Variants in SNX32 observed in about 807,000 individuals in gnomAD.
SNX32 encodes sorting nexin-32.
SNX32 carries 58 observed loss-of-function variants against 57.0 expected under a neutral mutation model. The ratio of observed to expected loss-of-function variants is 1.02; its 90% CI spans 0.82 to 1.27. The LOEUF is 1.27. SNX32 is among the 50% of genes most tolerant of loss of function. SNX32 has a pLI of 0.00. For missense variants in SNX32, 589 were observed against 541.2 expected (o/e 1.09, Z -0.88); for synonymous variants, 262 against 220.4 (o/e 1.19, Z -1.67).
At chr11:65,844,691 G>A (rs1041450301) in intron 1 of SNX32, among the ~76,000 whole-genome samples, 2 of 152,220 alleles carry the variant, frequency 1.3e-5, no homozygotes, top group Non-Finnish European at 2.9e-5. Context: ...AGACGGCTGG[G>A]CGTGGTGGCT....
chr11:65,836,387 A>G (rs967182619), intron 1 of SNX32, among the ~76,000 whole-genome samples: 3 of 152,118 alleles, frequency 2.0e-5, no homozygotes, highest in African/African-American at 7.2e-5. Context: ...TACTAAAAAT[A>G]CAAAAAATTG....
intron 1 of SNX32, chr11:65,835,753 C>G (rs1858652947): frequency 6.6e-6 from 1 of 152,336 alleles, no homozygotes; most frequent in East Asian, 1.9e-4. Context: ...AGCCAGACTG[C>G]ATGTGTTTGG....
intron 1 of SNX32, among the ~76,000 whole-genome samples, chr11:65,843,285 A>G (rs1858901166): frequency 6.6e-6 from 1 of 151,140 alleles, no homozygotes; most frequent in Admixed American, 6.6e-5. Context: ...AAAATAGATC[A>G]TAGCCAGGTA....
rs754954054 is a variant in SNX32, at chr11:65,850,038, G to A, written c.252+8G>A. The A allele has an allele frequency of 1.9e-6, 3 of 1,614,188 alleles. No individual in the cohort carries two copies. Among genetic ancestry groups the A allele is most frequent in the Admixed American group, 1.7e-5 (1 of 60,030 alleles). On this transcript the variant is annotated splice_region_variant and intron_variant, in intron 3 of 12. Coordinates refer to ENST00000308342, the MANE Select transcript of SNX32 (RefSeq NM_152760.3). ...GAGTACGCCGGCCTCATCGTGAGGA[G>A]GGGCTGGGCAGGGGCTGGGAGGGAC...
intron 3 of SNX32, 21 bp from the exon 4 acceptor site, chr11:65,850,129 C>G (rs1258107906): frequency 2.5e-6 from 4 of 1,614,232 alleles, no homozygotes; most frequent in Non-Finnish European, 3.4e-6. Context: ...GGCCTCCCAG[C>G]TCCGTCCCTC....
chr11:65,839,440 G>A (rs1179960655), intron 1 of SNX32, among the ~76,000 whole-genome samples: 17 of 146,654 alleles, frequency 1.2e-4, no homozygotes, highest in Admixed American at 9.5e-4. Flanking sequence ...CGTTTTAGCC[G>A]GGATGGTCTC....
chr11:65,839,596 C>T (rs1385275384), intron 1 of SNX32, among the ~76,000 whole-genome samples: 4 of 150,354 alleles, frequency 2.7e-5, no homozygotes, highest in South Asian at 2.1e-4. Context: ...CCACTCGCCT[C>T]GGCCTCCCAA....
chr11:65,850,309 C>A, intron 4 of SNX32, 38 bp downstream of exon 4: 1 of 1,613,974 alleles, frequency 6.2e-7, no homozygotes, highest in African/African-American at 1.3e-5. Context: ...CCCCAGAGTC[C>A]AGATGTCTTC....
rs781277946 is a variant in SNX32 at position 65,850,470 on chromosome 11, C to G, written c.414C>G (p.His138Gln). The change falls in exon 5 of 13, where the codon CAC becomes CAG. Residue 138 changes from histidine to glutamine, a missense_variant. Coordinates refer to ENST00000308342, the MANE Select transcript of SNX32 (RefSeq NM_152760.3). ...TCTTTAAGAAGACAGTTGCGATGCA[C>G]GAAGTCTTTCTGCAGCGCCTGGCGG... ...LAIFKKTVAMHEVFLQRLAAH... is the reference protein window; with the variant it reads ...LAIFKKTVAMQEVFLQRLAAH... The G allele has an allele frequency of 6.2e-7, 1 of 1,614,172 alleles. No individual in the cohort carries two copies. Among genetic ancestry groups the G allele is most frequent in the Non-Finnish European group, 8.5e-7 (1 of 1,180,010 alleles).
intron 1 of SNX32, among the ~76,000 whole-genome samples, chr11:65,842,949 C>CAAAA (rs922615169): frequency 4.6e-4 from 19 of 41,226 alleles, no homozygotes; most frequent in South Asian, 9.9e-4. Context: ...AACTCCATCT[C>CAAAA]AAAAAAAAAA....
chr11:65,836,997 T>C (rs144070773), intron 1 of SNX32, among the ~76,000 whole-genome samples: 2,338 of 152,146 alleles, frequency 0.015, 57 homozygotes, highest in East Asian at 0.1. Context: ...AGCAAACCAG[T>C]ATGGCACATG....
chr11:65,852,892 C>T lies in SNX32; in HGVS notation c.1092C>T (p.Ser364=). 4 of 1,614,150 alleles carry T rather than the reference C, an allele frequency of 2.5e-6. No individual in the cohort carries two copies. Among genetic ancestry groups the T allele is most frequent in the Non-Finnish European group, 3.4e-6 (4 of 1,180,012 alleles). ...CTCCAGAGCTCATGGACTTCAAGTC[C>T]CGCCGGGTCTCCTCTTTTCGAAAGA... is the stretch of plus-strand genomic sequence containing the variant. ...SAKQELMDFK[S]RRVSSFRKNL... Residue 364 remains serine, a synonymous_variant, in exon 12 of 13, where the codon TCC becomes TCT. Transcript: ENST00000308342.
At position 65,851,160 on chromosome 11, in the gene SNX32, T is replaced by G. The variant is rs781638246; in HGVS notation, c.709T>G (p.Cys237Gly). ...CGACCGCGTCATGCGCGCCCACAAG[T>G]GTACGCAGGGCCCAAGGGGTCCTGG... is the stretch of plus-strand genomic sequence containing the variant. ...RADRVMRAHK[C>G]LADDYIPISA... The change falls in exon 7 of 13, where the codon TGC becomes GGC. Residue 237 changes from cysteine to glycine, a missense_variant and splice_region_variant. Coordinates refer to ENST00000308342, the MANE Select transcript of SNX32 (RefSeq NM_152760.3). 1 of 1,612,010 alleles carries G rather than the reference T, an allele frequency of 6.2e-7. No individual in the cohort carries two copies. The highest frequency in any genetic ancestry group is 8.5e-7 in the Non-Finnish European group (1 of 1,179,886).
intron 8 of SNX32, 49 bp from the exon 9 acceptor site, chr11:65,851,591 G>A (rs1453491806): frequency 5.0e-6 from 8 of 1,603,534 alleles, no homozygotes; most frequent in East Asian, 2.2e-5. Context: ...GAGAGGCTTT[G>A]AGCTGTTCCT....
chr11:65,849,388 G>C (rs888952884), intron 1 of SNX32, 90 bp from the exon 2 acceptor site: 1 of 938,682 alleles, frequency 1.1e-6, no homozygotes. Context: ...CTGCTGAAGA[G>C]GGTTCTGCAG....
intron 2 of SNX32, 24 bp from the exon 3 acceptor site, chr11:65,849,896 C>A: frequency 6.5e-7 from 1 of 1,538,060 alleles, no homozygotes; most frequent in South Asian, 1.2e-5. Context: ...GAGAGAGGAC[C>A]TCAGTTGGCC....
chr11:65,836,268 C>T (rs1014632278), intron 1 of SNX32, among the ~76,000 whole-genome samples: 3 of 152,054 alleles, frequency 2.0e-5, no homozygotes, highest in African/African-American at 4.8e-5. Context: ...ACTGGCCAGG[C>T]GTGGTGGCTC....
At chr11:65,839,223 G>GTTTTTTTTTTTTTT (rs755185237) in intron 1 of SNX32, among the ~76,000 whole-genome samples, 463 of 22,924 alleles carry the variant, frequency 0.02, 47 homozygotes, top group East Asian at 0.028. Flanking sequence ...TAATTTTTTT[G>GTTTTTTTTTTTTTT]TATTTTTTTT....
chr11:65,839,245 T>TTTTTTTTTTTTTTTTTTTTTTTTTG (rs1555032680), intron 1 of SNX32, among the ~76,000 whole-genome samples: 2 of 77,666 alleles, frequency 2.6e-5, no homozygotes, highest in South Asian at 5.6e-4. Context: ...TTTTTTTTTT[T>TTTTTTTTTTTTTTTTTTTTTTTTTG]TTGAGACGGA....
Sources: gnomAD v4.1 joint callset for allele counts (sites outside exome capture counted in the v4.1 genomes callset) on GRCh38, gnomAD v4.1.1 for gene constraint, MANE v1.5 for transcripts, NCBI Gene and HGNC (gene_info 2026-07-23, HGNC 2026-07-21) for gene names.